ITCH: variants seen among roughly 807,000 people sequenced by gnomAD.
ITCH encodes itchy E3 ubiquitin protein ligase.
Under a neutral mutation model 126.8 loss-of-function variants are expected in ITCH, and 28 were observed. The observed-to-expected ratio is 0.22, with a 90% CI of 0.16 to 0.30. ITCH has a LOEUF of 0.30. ITCH is among the 10% of genes least tolerant of loss of function. The pLI, the probability that ITCH is intolerant of heterozygous loss-of-function variation, is 1.00. For missense variants in ITCH, 631 were observed against 1,032.4 expected (o/e 0.61, Z 5.33); for synonymous variants, 342 against 340.0 (o/e 1.01, Z -0.06).
chr20:34,419,431 A>G (rs1980436101), intron 6 of ITCH, among the ~76,000 whole-genome samples: 1 of 151,286 alleles, frequency 6.6e-6, no homozygotes, highest in South Asian at 2.1e-4. Flanking sequence ...TATGTGTGAT[A>G]TATAAGCATT....
In ITCH at chr20:34,440,216, G is replaced by A; in HGVS notation, c.741G>A (p.Leu247=). 1.2e-6 allele frequency: 2 copies of A among 1,613,638 alleles called. No individual in the cohort carries two copies. The highest frequency in any genetic ancestry group is 1.7e-6 in the Non-Finnish European group (2 of 1,179,570). ...GTGATGGGTCTAGTACAGGCTCTCT[G>A]CCGCCGACAAATACAAATACAAATA... The part of the protein sequence containing the change: ...SESDGSSTGS[L]PPTNTNTNTS... Residue 247 remains leucine, a synonymous_variant, in exon 9 of 25, where the codon CTG becomes CTA. Coordinates refer to ENST00000374864, the MANE Select transcript of ITCH (RefSeq NM_031483.7).
intron 2 of ITCH, 127 bp from the exon 3 acceptor site, chr20:34,393,664 A>C: frequency 1.4e-6 from 1 of 722,514 alleles, no homozygotes; most frequent in Non-Finnish European, 2.6e-6. Context: ...AGAATTGAAA[A>C]TTGTGTTTAG....
intron 13 of ITCH, among the ~76,000 whole-genome samples, chr20:34,458,117 GAA>G (rs1986191265): frequency 6.6e-6 from 1 of 152,098 alleles, no homozygotes; most frequent in Non-Finnish European, 1.5e-5. Context: ...TTTCAAGGAG[GAA>G]GAAAATACAT....
intron 14 of ITCH, among the ~76,000 whole-genome samples, chr20:34,464,947 G>A (rs1986910532): frequency 6.6e-6 from 1 of 152,106 alleles, no homozygotes; most frequent in Non-Finnish European, 1.5e-5. Flanking sequence ...CTGACCTCGT[G>A]ATCCACACCC....
intron 16 of ITCH, among the ~76,000 whole-genome samples, chr20:34,471,808 A>T: frequency 2.0e-5 from 3 of 146,460 alleles, no homozygotes; most frequent in African/African-American, 5.4e-5. Flanking sequence ...TCAGGTTTCC[A>T]TTTCTAAACT....
intron 2 of ITCH, among the ~76,000 whole-genome samples, chr20:34,387,585 ACT>A (rs1320121015): frequency 1.3e-5 from 2 of 150,518 alleles, no homozygotes; most frequent in East Asian, 3.9e-4. Context: ...GAGCTCGATC[ACT>A]CTAGCATAGG....
In ITCH at chr20:34,372,384, C is replaced by CTTTTTTTTTT. The variant is rs779017298; in HGVS notation, c.-22+2919_-22+2928dup. 1.3e-3 allele frequency among the ~76,000 whole-genome samples: 125 copies of CTTTTTTTTTT among 93,140 alleles called. 15 individuals are homozygous for CTTTTTTTTTT. The East Asian group carries it at 0.017, about 13-fold the overall frequency. The allele number at this position is 93,140 out of a possible 152,430, so 61.1% of individuals were successfully genotyped here. On this transcript the variant is annotated intron_variant, in intron 2 of 24. Transcript: ENST00000374864. ...AGAAACCATGTTATTTTAAGTTCTA[C>CTTTTTTTTTT]TTTTTTTTTTTTTTGAGAGGGAATC...
Position 34,492,594 on chromosome 20 carries a change from A to G in ITCH, c.2413A>G (p.Met805Val). Residue 805 changes from methionine to valine, a missense_variant, in exon 23 of 25, where the codon ATG (methionine) becomes GTG (valine). By Grantham distance (21) the Met-to-Val change is conservative (BLOSUM62 1). Around this residue, in one of 4 missense-constraint regions of ITCH, gnomAD observed 390 missense variants for 731.6 expected, o/e 0.53. Coordinates refer to ENST00000374864, the MANE Select transcript of ITCH (RefSeq NM_031483.7). ...GCCAGTAGGAGGATTTGCTGATCTC[A>G]TGGGTATGTATACAGGATCACTTTT... The part of the protein sequence containing the change: ...RLPVGGFADL[M>V]GSNGPQKFCI... 5.0e-6 allele frequency: 8 copies of G among 1,592,732 alleles called. No homozygotes were observed. Among genetic ancestry groups the G allele is most frequent in the Non-Finnish European group, 6.0e-6 (7 of 1,160,338 alleles).
At chr20:34,397,062 C>T (rs528349515) in intron 3 of ITCH, among the ~76,000 whole-genome samples, 8 of 151,764 alleles carry the variant, frequency 5.3e-5, no homozygotes, top group African/African-American at 7.3e-5. Context: ...GAGTCTCTGT[C>T]GCCCAGGCTG....
intron 23 of ITCH, among the ~76,000 whole-genome samples, chr20:34,503,885 G>GTTTTTTTTT: frequency 9.1e-6 from 1 of 109,624 alleles, no homozygotes; most frequent in Non-Finnish European, 1.8e-5. Context: ...TTTTTTTTTG[G>GTTTTTTTTT]TTTTTTTTTT....
chr20:34,451,890 A>G (rs1362370417), intron 12 of ITCH, among the ~76,000 whole-genome samples: 1 of 152,024 alleles, frequency 6.6e-6, no homozygotes, highest in Admixed American at 6.6e-5. Context: ...CAACATAGCG[A>G]AAACCTGTCT....
rs182295042 is a variant in ITCH, at chr20:34,412,109, G to A, written c.213-406G>A. 2.4e-3 allele frequency among the ~76,000 whole-genome samples: 364 copies of A among 152,242 alleles called. 2 individuals are homozygous for A. Among genetic ancestry groups the A allele is most frequent in the Middle Eastern group, 0.014 (4 of 294 alleles). On this transcript the variant is annotated intron_variant, in intron 4 of 24. Transcript: ENST00000374864. The stretch of plus-strand genomic sequence containing the variant: ...AATGTCAGTTTCTGTATCTGAAGAA[G>A]GAAGTGATAATTCCCATCTCATAGG...
At position 34,380,605 on chromosome 20, in the gene ITCH, C is replaced by CTTTTTTTTTTTTTTT. The variant is rs35848431; in HGVS notation, c.-22+11143_-22+11157dup. Among the ~76,000 whole-genome samples, 11 of 69,268 alleles carry CTTTTTTTTTTTTTTT rather than the reference C, an allele frequency of 1.6e-4. 3 individuals are homozygous for CTTTTTTTTTTTTTTT. The highest frequency in any genetic ancestry group is 2.4e-4 in the African/African-American group (4 of 16,564). 45.4% of individuals were successfully genotyped at this position (69,268 alleles called of 152,430 possible). On this transcript the variant is annotated intron_variant, in intron 2 of 24. Transcript: ENST00000374864. ...TGTCTTTCCATTTTCTTAATGATGTCTTTTTTTTTTTTTTTTTTTTTTGCA... is the reference window on the plus strand; with the variant it reads ...TGTCTTTCCATTTTCTTAATGATGTCTTTTTTTTTTTTTTTTTTTTTTTTTTTTTTTTTTTTTGCA...
chr20:34,364,265 C>T (rs994839253), intron 1 of ITCH, among the ~76,000 whole-genome samples: 4 of 152,096 alleles, frequency 2.6e-5, no homozygotes, highest in African/African-American at 9.7e-5. Context: ...TGGTTGTATT[C>T]GTATCCTAAT....
At chr20:34,401,380 A>G (rs1215745778) in intron 3 of ITCH, among the ~76,000 whole-genome samples, 1 of 152,104 alleles carries the variant, frequency 6.6e-6, no homozygotes, top group African/African-American at 2.4e-5. Flanking sequence ...TTATTAGTGA[A>G]AGAAGTTAAG....
At chr20:34,474,876 G>C (rs577277387) in intron 16 of ITCH, among the ~76,000 whole-genome samples, 2 of 151,444 alleles carry the variant, frequency 1.3e-5, no homozygotes, top group Non-Finnish European at 2.9e-5. Context: ...GCTGCCGGGC[G>C]GAGGGGCTCC....
At chr20:34,383,997 A>G (rs1601768844) in intron 2 of ITCH, among the ~76,000 whole-genome samples, 2 of 151,434 alleles carry the variant, frequency 1.3e-5, no homozygotes, top group East Asian at 3.9e-4. Flanking sequence ...GGCATGCACC[A>G]CTGCACCCGG....
intron 3 of ITCH, chr20:34,402,208 C>T: frequency 7.1e-7 from 1 of 1,417,474 alleles, no homozygotes; most frequent in Non-Finnish European, 9.9e-7. Context: ...GCCAATATTG[C>T]TTCGTCAAAT....
intron 2 of ITCH, among the ~76,000 whole-genome samples, chr20:34,372,473 C>T (rs1322002359): frequency 1.4e-5 from 2 of 142,814 alleles, no homozygotes; most frequent in African/African-American, 5.5e-5. Flanking sequence ...CTCCGCCTCT[C>T]GGGTTCAAGC....
Sources: gnomAD v4.1 joint callset for allele counts (sites outside exome capture counted in the v4.1 genomes callset) on GRCh38, gnomAD v4.1.1 for gene constraint, gnomAD v4.1.1 regional missense constraint, MANE v1.5 for transcripts, NCBI Gene and HGNC (gene_info 2026-07-23, HGNC 2026-07-21) for gene names.